Variants in STXBP5L observed in about 807,000 individuals in gnomAD.
STXBP5L encodes syntaxin-binding protein 5-like.
STXBP5L carries 65 observed loss-of-function variants against 144.5 expected under a neutral mutation model. The ratio of observed to expected loss-of-function variants is 0.45; its 90% CI spans 0.37 to 0.55. The LOEUF (loss-of-function observed/expected upper bound fraction) is 0.55. Among genes scored for constraint, STXBP5L ranks in the 20% least tolerant of loss-of-function variants. The pLI is 0.00. For missense variants in STXBP5L, 1,298 were observed against 1,405.5 expected, an observed-to-expected ratio of 0.92 and a Z score of 1.22; for synonymous variants, 505 against 469.6, an observed-to-expected ratio of 1.08 and a Z score of -0.97.
rs75518506 is a variant in STXBP5L at position 121,169,748 on chromosome 3, G to A, written c.877+12121G>A. Among the ~76,000 whole-genome samples, 68 of 152,248 alleles carry A rather than the reference G, an allele frequency of 4.5e-4. No individual in the cohort carries two copies. The East Asian group carries it at 0.013, about 29-fold the overall frequency. ...CTTAGGCCCCACACAATAATAGTGG[G>A]AGGCTTCAACACTCTACTGTCTATG... On this transcript the variant is annotated intron_variant, in intron 9 of 26. Coordinates refer to ENST00000471454, the MANE Select transcript of STXBP5L (RefSeq NM_001308330.2).
At chr3:121,032,761 G>A (rs1946463971) in intron 3 of STXBP5L, among the ~76,000 whole-genome samples, 1 of 75,104 alleles carries the variant, frequency 1.3e-5, no homozygotes, top group African/African-American at 5.3e-5. Flanking sequence ...AGTGGGCGAA[G>A]GACATGAACA....
intron 23 of STXBP5L, among the ~76,000 whole-genome samples, chr3:121,410,203 G>A (rs1222133406): frequency 6.6e-6 from 1 of 151,626 alleles, no homozygotes; most frequent in East Asian, 1.9e-4. Context: ...AGGTCTATTT[G>A]TGTATGTGTG....
At chr3:121,094,602 T>G (rs1055766876) in intron 5 of STXBP5L, among the ~76,000 whole-genome samples, 1 of 152,050 alleles carries the variant, frequency 6.6e-6, no homozygotes, top group African/African-American at 2.4e-5. Context: ...AACCCCTGCC[T>G]TTTTTTGTTT....
At chr3:121,343,771 A>G (rs1265225786) in intron 20 of STXBP5L, among the ~76,000 whole-genome samples, 3 of 152,180 alleles carry the variant, frequency 2.0e-5, no homozygotes, top group Admixed American at 1.3e-4. Flanking sequence ...ATGGAAGAAC[A>G]TTCCATGCTC....
chr3:121,197,354 G>A (rs1559853641), intron 9 of STXBP5L, among the ~76,000 whole-genome samples: 2 of 152,054 alleles, frequency 1.3e-5, no homozygotes, highest in Non-Finnish European at 2.9e-5. Flanking sequence ...CACATTTAGT[G>A]TTATTGTTGG....
intron 18 of STXBP5L, among the ~76,000 whole-genome samples, chr3:121,276,041 A>G (rs1051445746): frequency 5.4e-5 from 8 of 148,162 alleles, no homozygotes; most frequent in African/African-American, 2.0e-4. Context: ...ACATTTTCTA[A>G]TTTGTTTTTC....
intron 3 of STXBP5L, among the ~76,000 whole-genome samples, chr3:120,976,855 TTGAG>T (rs1314375559): frequency 6.6e-6 from 1 of 152,134 alleles, no homozygotes; most frequent in Non-Finnish European, 1.5e-5. Flanking sequence ...TTGAGCGGTT[TTGAG>T]TGAGTTTCTT....
chr3:121,012,634 A>C (rs1398471066), intron 3 of STXBP5L, among the ~76,000 whole-genome samples: 1 of 151,628 alleles, frequency 6.6e-6, no homozygotes, highest in African/African-American at 2.4e-5. Flanking sequence ...TCCTTTAGAG[A>C]AATGTCGATT....
intron 22 of STXBP5L, among the ~76,000 whole-genome samples, chr3:121,392,800 T>TATAC (rs1426616794): frequency 8.1e-6 from 1 of 123,006 alleles, no homozygotes; most frequent in Non-Finnish European, 1.8e-5. Context: ...TATATATATA[T>TATAC]ATATATATCA....
chr3:121,052,221 A>G (rs1172040272), intron 5 of STXBP5L, among the ~76,000 whole-genome samples: 9 of 152,144 alleles, frequency 5.9e-5, no homozygotes, highest in Admixed American at 5.9e-4. Flanking sequence ...ATCCTCCCTA[A>G]CTCATTTTAT....
At chr3:120,987,769 G>T (rs1013773950) in intron 3 of STXBP5L, among the ~76,000 whole-genome samples, 1 of 151,290 alleles carries the variant, frequency 6.6e-6, no homozygotes, top group Non-Finnish European at 1.5e-5. Context: ...TATTTTATTT[G>T]TGTTGTCTTA....
intron 3 of STXBP5L, among the ~76,000 whole-genome samples, chr3:120,986,757 A>C (rs905682015): frequency 2.6e-5 from 4 of 151,982 alleles, no homozygotes; most frequent in Non-Finnish European, 4.4e-5. Context: ...AAGAAATAGC[A>C]AACAAAAAAA....
intron 5 of STXBP5L, among the ~76,000 whole-genome samples, chr3:121,075,575 G>T (rs181522104): frequency 6.6e-6 from 1 of 152,146 alleles, no homozygotes; most frequent in South Asian, 2.1e-4. Flanking sequence ...TACAAATGCC[G>T]CATTAACCAT....
intron 3 of STXBP5L, among the ~76,000 whole-genome samples, chr3:121,007,957 G>T (rs1944472884): frequency 6.6e-6 from 1 of 151,880 alleles, no homozygotes; most frequent in South Asian, 2.1e-4. Flanking sequence ...AGAGTTAGTG[G>T]AAAAAACTAT....
chr3:121,062,902 G>A (rs1314806749), intron 5 of STXBP5L, among the ~76,000 whole-genome samples: 5 of 152,136 alleles, frequency 3.3e-5, no homozygotes, highest in Non-Finnish European at 7.4e-5. Flanking sequence ...AGTTAGCAAT[G>A]CATCTGACCT....
intron 5 of STXBP5L, among the ~76,000 whole-genome samples, chr3:121,066,893 G>T (rs780311076): frequency 3.9e-5 from 6 of 152,010 alleles, no homozygotes; most frequent in Non-Finnish European, 7.4e-5. Context: ...TCCTTAATAG[G>T]TGTAGAAATG....
rs1322119107 is a variant in STXBP5L, at chr3:121,415,963, A to T, written c.3221A>T (p.Glu1074Val). 6.2e-7 allele frequency: 1 copy of T among 1,611,000 alleles called. No homozygotes were observed. Among genetic ancestry groups the T allele is most frequent in the Non-Finnish European group, 8.5e-7 (1 of 1,177,830 alleles). ...AGCGGACAAACATTTGACAGAGAAG[A>T]GCTCTGTGAGTAAATTCCTGATTAT... ...GGSGQTFDRE[E>V]LFGEASAGKA... Residue 1074 changes from glutamate to valine, a missense_variant, in exon 25 of 27, where the codon GAG becomes GTG. Transcript: ENST00000471454.
chr3:121,181,804 A>T (rs2047166264), intron 9 of STXBP5L, among the ~76,000 whole-genome samples: 1 of 152,138 alleles, frequency 6.6e-6, no homozygotes, highest in Non-Finnish European at 1.5e-5. Context: ...CACCATCTTT[A>T]AGAGATTCAC....
At chr3:121,205,047 A>G (rs1250238603) in intron 9 of STXBP5L, among the ~76,000 whole-genome samples, 1 of 152,200 alleles carries the variant, frequency 6.6e-6, no homozygotes, top group African/African-American at 2.4e-5. Context: ...TGATAGAATA[A>G]TTTTAATAGT....
Sources: gnomAD v4.1 joint callset for allele counts (sites outside exome capture counted in the v4.1 genomes callset) on GRCh38, gnomAD v4.1.1 for gene constraint, MANE v1.5 for transcripts, NCBI Gene and HGNC (gene_info 2026-07-23, HGNC 2026-07-21) for gene names.